ADK: variants seen among roughly 807,000 people sequenced by gnomAD.
The protein encoded by ADK is N6,N6-dimethyladenosine kinase.
ADK carries 24 observed loss-of-function variants against 44.7 expected under a neutral mutation model. The observed-to-expected ratio is 0.54, with a 90% CI of 0.39 to 0.76. The LOEUF (loss-of-function observed/expected upper bound fraction) is 0.76, where lower values mean the gene tolerates loss of function less well. Among genes scored for constraint, ADK ranks in the 30% least tolerant of loss-of-function variants. The pLI is 0.00. For synonymous variants in ADK, 128 were observed against 142.6 expected (o/e 0.90, Z 0.73); for missense variants, 321 against 425.1 (o/e 0.76, Z 2.15).
chr10:74,160,324 G>A (rs1349046875), intron 1 of ADK, among the ~76,000 whole-genome samples: 1 of 152,140 alleles, frequency 6.6e-6, no homozygotes, highest in Non-Finnish European at 1.5e-5. Flanking sequence ...TGCATAATCT[G>A]CCTCTTAATT....
chr10:74,391,627 A>G (rs1461309278), intron 4 of ADK, among the ~76,000 whole-genome samples: 1 of 147,194 alleles, frequency 6.8e-6, no homozygotes, highest in Non-Finnish European at 1.5e-5. Context: ...GGATCTGTTG[A>G]ATTCAGGAGT....
chr10:74,456,398 G>A (rs1845945073), intron 6 of ADK, among the ~76,000 whole-genome samples: 1 of 151,964 alleles, frequency 6.6e-6, no homozygotes, highest in Admixed American at 6.6e-5. Context: ...CTCAAGGCTG[G>A]GCGCGGTGGT....
At chr10:74,230,201 G>A (rs1171753068) in intron 3 of ADK, among the ~76,000 whole-genome samples, 4 of 151,740 alleles carry the variant, frequency 2.6e-5, no homozygotes, top group Non-Finnish European at 2.9e-5. Context: ...CATAAATAAG[G>A]TACAGTTTTA....
chr10:74,405,838 A>C (rs1245018745), intron 6 of ADK, among the ~76,000 whole-genome samples: 2 of 152,174 alleles, frequency 1.3e-5, no homozygotes, highest in African/African-American at 4.8e-5. Flanking sequence ...CCAAATGTGT[A>C]TGTGCCTCAG....
intron 10 of ADK, among the ~76,000 whole-genome samples, chr10:74,687,108 G>A (rs1309292750): frequency 6.6e-6 from 1 of 152,174 alleles, no homozygotes; most frequent in South Asian, 2.1e-4. Flanking sequence ...ACATAGTAAG[G>A]ATTCATTAAG....
intron 9 of ADK, among the ~76,000 whole-genome samples, chr10:74,619,865 C>T (rs944148729): frequency 1.3e-5 from 2 of 152,088 alleles, no homozygotes; most frequent in Admixed American, 1.3e-4. Context: ...GGACTACAGG[C>T]ACATGCCACC....
At chr10:74,312,425 CTT>C (rs61133957) in intron 3 of ADK, among the ~76,000 whole-genome samples, 13 of 136,752 alleles carry the variant, frequency 9.5e-5, no homozygotes, top group Non-Finnish European at 7.9e-5. Context: ...CAGACATTCA[CTT>C]TTTTTTTTTT....
At chr10:74,256,823 T>C (rs1464182270) in intron 3 of ADK, among the ~76,000 whole-genome samples, 1 of 152,220 alleles carries the variant, frequency 6.6e-6, no homozygotes, top group Admixed American at 6.5e-5. Flanking sequence ...CGTGTTTTTA[T>C]TGATGCAACC....
chr10:74,542,211 G>A (rs993239687), intron 7 of ADK, among the ~76,000 whole-genome samples: 1 of 152,182 alleles, frequency 6.6e-6, no homozygotes, highest in Non-Finnish European at 1.5e-5. Flanking sequence ...CCTCAAACAC[G>A]AGATGACTGC....
intron 6 of ADK, among the ~76,000 whole-genome samples, chr10:74,413,400 A>G (rs1262138663): frequency 1.3e-5 from 2 of 152,178 alleles, no homozygotes; most frequent in Non-Finnish European, 2.9e-5. Context: ...TGTTGGCAAG[A>G]TCTGGGTAAC....
chr10:74,272,873 A>T (rs1846488675), intron 3 of ADK, among the ~76,000 whole-genome samples: 1 of 152,040 alleles, frequency 6.6e-6, no homozygotes, highest in Non-Finnish European at 1.5e-5. Context: ...AACTTCAGTC[A>T]GCCCATGGTC....
chr10:74,523,250 A>G (rs1397018323), intron 6 of ADK, among the ~76,000 whole-genome samples: 2 of 152,226 alleles, frequency 1.3e-5, no homozygotes, highest in Non-Finnish European at 2.9e-5. Context: ...TATTATCATT[A>G]CTGATGAAGC....
At chr10:74,208,101 C>T (rs920077678) in intron 2 of ADK, among the ~76,000 whole-genome samples, 1 of 152,282 alleles carries the variant, frequency 6.6e-6, no homozygotes, top group Non-Finnish European at 1.5e-5. Flanking sequence ...TTGCTCCACC[C>T]TGGAGCAGGT....
At chr10:74,462,765 T>C (rs1336778669) in intron 6 of ADK, among the ~76,000 whole-genome samples, 1 of 152,218 alleles carries the variant, frequency 6.6e-6, no homozygotes, top group African/African-American at 2.4e-5. Flanking sequence ...CTACAACTTA[T>C]CAAATAAACA....
chr10:74,482,651 A>G (rs1306180810), intron 6 of ADK, among the ~76,000 whole-genome samples: 3 of 152,216 alleles, frequency 2.0e-5, no homozygotes, highest in Non-Finnish European at 4.4e-5. Flanking sequence ...AAATACAGTT[A>G]GTTACTTCCA....
chr10:74,450,120 C>T (rs767249412), intron 6 of ADK, among the ~76,000 whole-genome samples: 12 of 152,026 alleles, frequency 7.9e-5, no homozygotes, highest in South Asian at 2.1e-4. Context: ...GCCTGGGCAA[C>T]ATAGCGAAAA....
chr10:74,659,620 G>T (rs148020175), intron 9 of ADK, among the ~76,000 whole-genome samples: 3 of 152,172 alleles, frequency 2.0e-5, no homozygotes, highest in Non-Finnish European at 2.9e-5. Flanking sequence ...TATATAAATG[G>T]GAGTTTATTA....
intron 7 of ADK, among the ~76,000 whole-genome samples, chr10:74,575,114 G>T (rs1851139410): frequency 6.6e-6 from 1 of 152,176 alleles, no homozygotes; most frequent in South Asian, 2.1e-4. Context: ...AATCAAGTCA[G>T]TGTCAATCTA....
intron 4 of ADK, among the ~76,000 whole-genome samples, chr10:74,377,790 T>G (rs891511860): frequency 1.3e-5 from 2 of 152,020 alleles, no homozygotes; most frequent in Non-Finnish European, 2.9e-5. Context: ...TGAGGAAGAG[T>G]GTATACTGAG....
Sources: gnomAD v4.1 joint callset for allele counts (sites outside exome capture counted in the v4.1 genomes callset) on GRCh38, gnomAD v4.1.1 for gene constraint, MANE v1.5 for transcripts, NCBI Gene and HGNC (gene_info 2026-07-23, HGNC 2026-07-21) for gene names.